The following NDST4 variants were observed in gnomAD, a reference collection of about 807,000 sequenced individuals.
NDST4 encodes N-heparan sulfate sulfotransferase 4.
NDST4 carries 63 observed loss-of-function variants against 100.8 expected under a neutral mutation model. The ratio of observed to expected loss-of-function variants is 0.62; its 90% CI spans 0.51 to 0.77. NDST4 has a LOEUF of 0.77. NDST4 is among the 30% of genes least tolerant of loss of function. The pLI, the probability that NDST4 is intolerant of heterozygous loss-of-function variation, is 0.00. For synonymous variants in NDST4, 377 were observed against 361.8 expected (o/e 1.04, Z -0.48); for missense variants, 943 against 1,018.4 (o/e 0.93, Z 1.01).
rs556544539 is a variant in NDST4, at chr4:114,955,669, A to G, written c.1221+14761T>C. On this transcript the variant is annotated intron_variant, in intron 4 of 13. Transcript: ENST00000264363. The stretch of plus-strand genomic sequence containing the variant: ...TGGACCATCTCCAAGTGAGACACCC[A>G]TAACAGGTGAAAATTATTTTAAAAA... Among the ~76,000 whole-genome samples the G allele has an allele frequency of 4.7e-4, 72 of 152,360 alleles. No homozygotes were observed. In the South Asian group the frequency reaches 8.5e-3, roughly 18 times the overall value.
intron 5 of NDST4, among the ~76,000 whole-genome samples, chr4:114,935,967 C>T (rs959933646): frequency 6.6e-6 from 1 of 150,670 alleles, no homozygotes; most frequent in Non-Finnish European, 1.5e-5. Flanking sequence ...ATTTAATGGA[C>T]AAATGCATCT....
intron 10 of NDST4, 39 bp downstream of exon 10, chr4:114,845,784 T>C: frequency 6.4e-7 from 1 of 1,561,498 alleles, no homozygotes; most frequent in Non-Finnish European, 8.7e-7. Flanking sequence ...ATTTAAGCTA[T>C]AACAAAATGC....
At chr4:115,005,589 G>T (rs1334399445) in intron 2 of NDST4, among the ~76,000 whole-genome samples, 2 of 152,118 alleles carry the variant, frequency 1.3e-5, no homozygotes, top group African/African-American at 4.8e-5. Flanking sequence ...TCATAGTCCA[G>T]TGGGAAAAGG....
intron 2 of NDST4, among the ~76,000 whole-genome samples, chr4:115,044,949 T>G (rs751906121): frequency 1.3e-5 from 2 of 151,836 alleles, no homozygotes; most frequent in Non-Finnish European, 2.9e-5. Flanking sequence ...ATTATAATGT[T>G]AAGTGTCGAC....
chr4:115,082,854 C>T (rs1300647644), intron 1 of NDST4, among the ~76,000 whole-genome samples: 2 of 152,156 alleles, frequency 1.3e-5, no homozygotes, highest in African/African-American at 4.8e-5. Context: ...AATAATTTAA[C>T]TGCAAATCAG....
chr4:114,876,835 A>G (rs1038530000), intron 6 of NDST4, among the ~76,000 whole-genome samples: 1 of 152,158 alleles, frequency 6.6e-6, no homozygotes, highest in African/African-American at 2.4e-5. Flanking sequence ...TGTTAATGTT[A>G]ATTTACTTAT....
At chr4:114,874,736 A>G (rs1724223133) in intron 6 of NDST4, among the ~76,000 whole-genome samples, 1 of 152,206 alleles carries the variant, frequency 6.6e-6, no homozygotes, top group African/African-American at 2.4e-5. Flanking sequence ...AGACAAATTA[A>G]AAATGGATGT....
intron 1 of NDST4, among the ~76,000 whole-genome samples, chr4:115,104,957 G>C (rs1444703635): frequency 6.6e-6 from 1 of 151,984 alleles, no homozygotes; most frequent in Non-Finnish European, 1.5e-5. Flanking sequence ...TAGAAACTTT[G>C]GACTTATTGT....
intron 1 of NDST4, among the ~76,000 whole-genome samples, chr4:115,102,912 T>G (rs1560601240): frequency 6.6e-6 from 1 of 151,920 alleles, no homozygotes; most frequent in Non-Finnish European, 1.5e-5. Context: ...TTTCACCATG[T>G]TGGCAGGCTG....
chr4:115,086,773 A>AT (rs1386604360), intron 1 of NDST4, among the ~76,000 whole-genome samples: 1 of 152,082 alleles, frequency 6.6e-6, no homozygotes, highest in South Asian at 2.1e-4. Flanking sequence ...AAAGGACATG[A>AT]TTTTTTAAAA....
chr4:114,898,599 T>A (rs1227389957), intron 6 of NDST4, among the ~76,000 whole-genome samples: 1 of 152,148 alleles, frequency 6.6e-6, no homozygotes, highest in African/African-American at 2.4e-5. Context: ...GGGATTTTAA[T>A]TGGGATTGTG....
chr4:115,051,838 T>C (rs1361846520), intron 2 of NDST4, among the ~76,000 whole-genome samples: 1 of 152,102 alleles, frequency 6.6e-6, no homozygotes, highest in Non-Finnish European at 1.5e-5. Context: ...GCCTCTACAC[T>C]ATTCTCCATA....
chr4:115,095,227 C>T (rs981625627), intron 1 of NDST4, among the ~76,000 whole-genome samples: 12 of 152,098 alleles, frequency 7.9e-5, no homozygotes, highest in African/African-American at 2.4e-4. Flanking sequence ...AGACACTCAG[C>T]ACTCCAAGAA....
intron 1 of NDST4, among the ~76,000 whole-genome samples, chr4:115,109,469 C>A (rs552800209): frequency 3.9e-5 from 6 of 152,058 alleles, no homozygotes; most frequent in Admixed American, 1.3e-4. Context: ...TTGCTTTCTT[C>A]ATTGAACTCT....
chr4:114,885,525 G>T (rs1281910589), intron 6 of NDST4, among the ~76,000 whole-genome samples: 1 of 151,972 alleles, frequency 6.6e-6, no homozygotes, highest in Non-Finnish European at 1.5e-5. Context: ...TGACCCTTCT[G>T]GTCCTGAAAC....
intron 4 of NDST4, among the ~76,000 whole-genome samples, chr4:114,958,800 T>G (rs1726197404): frequency 6.6e-6 from 1 of 152,158 alleles, no homozygotes; most frequent in Non-Finnish European, 1.5e-5. Flanking sequence ...AGAAAATGGG[T>G]TTTTCTTTTC....
In NDST4 at chr4:114,935,347, G is replaced by A. The variant is rs778990633; in HGVS notation, c.1408-13C>T. 3.9e-6 allele frequency: 6 copies of A among 1,554,118 alleles called. No homozygotes were observed. The East Asian group carries it at 1.4e-4, about 37-fold the overall frequency. ...GTCGAGGGAGGACCTGAGTAAAAAAGGGGAAAAACAGCACATGGACGTGAT... is the reference window on the plus strand; with the variant it reads ...GTCGAGGGAGGACCTGAGTAAAAAAAGGGAAAAACAGCACATGGACGTGAT... On this transcript the variant is annotated splice_polypyrimidine_tract_variant and intron_variant, in intron 5 of 13. Transcript: ENST00000264363.
rs184077385 is a variant in NDST4 at position 114,903,741 on chromosome 4, T to A, written c.1536+31465A>T. ...AGACCAGAAACTGTAAGTCTCTGGA[T>A]TGATTTACAATAAAGAAAAATAAAG... On this transcript the variant is annotated intron_variant, in intron 6 of 13. Coordinates refer to ENST00000264363, the MANE Select transcript of NDST4 (RefSeq NM_022569.3). 4.1e-4 allele frequency among the ~76,000 whole-genome samples: 63 copies of A among 152,068 alleles called. 1 individual carries two copies. Among genetic ancestry groups the A allele is most frequent in the Non-Finnish European group, 7.2e-4 (49 of 67,902 alleles).
intron 6 of NDST4, among the ~76,000 whole-genome samples, chr4:114,899,205 C>T (rs574566981): frequency 6.6e-6 from 1 of 152,084 alleles, no homozygotes; most frequent in East Asian, 1.9e-4. Flanking sequence ...TTAGATGGAG[C>T]CTCGTTCTGT....
Sources: gnomAD v4.1 joint callset for allele counts (sites outside exome capture counted in the v4.1 genomes callset) on GRCh38, gnomAD v4.1.1 for gene constraint, MANE v1.5 for transcripts, NCBI Gene and HGNC (gene_info 2026-07-23, HGNC 2026-07-21) for gene names.